PDE11A: variants seen among roughly 807,000 people sequenced by gnomAD.
PDE11A encodes the protein dual 3',5'-cyclic-AMP and -GMP phosphodiesterase 11A.
A neutral mutation model predicts 100.5 loss-of-function variants in PDE11A; 100 were observed. The observed-to-expected ratio is 1.00, with a 90% CI of 0.85 to 1.18. PDE11A has a LOEUF of 1.18. Ranked by LOEUF, PDE11A falls within the 50% of genes most tolerant of loss-of-function variation. The pLI, the probability that PDE11A is intolerant of heterozygous loss-of-function variation, is 0.00. For missense variants in PDE11A, 1,141 were observed against 1,152.6 expected, an observed-to-expected ratio of 0.99 and a Z score of 0.15; for synonymous variants, 381 against 420.8, an observed-to-expected ratio of 0.91 and a Z score of 1.16.
chr2:177,687,083 A>ATTTTT (rs1559143170), intron 15 of PDE11A: 1 of 152,162 alleles, frequency 6.6e-6, no homozygotes, highest in Non-Finnish European at 1.5e-5. Flanking sequence ...AGAGTTAATC[A>ATTTTT]TTTTCACAAG....
rs537484983 is a variant in PDE11A at position 177,822,047 on chromosome 2, C to T, written c.1501-1752G>A. 5.3e-5 allele frequency among the ~76,000 whole-genome samples: 8 copies of T among 151,886 alleles called. No individual in the cohort carries two copies. The East Asian group carries it at 1.5e-3, about 29-fold the overall frequency. On this transcript the variant is annotated intron_variant, in intron 6 of 19. Transcript: ENST00000286063. ...TTTTCTTATTCCATGGCTTGTTTTT[C>T]CACTCTTTTAATGGTGTCTTTTGAT...
At chr2:177,968,113 A>C (rs1462689846) in intron 2 of PDE11A, among the ~76,000 whole-genome samples, 2 of 152,172 alleles carry the variant, frequency 1.3e-5, no homozygotes, top group Non-Finnish European at 2.9e-5. Flanking sequence ...TTATCAGACG[A>C]GGTGCTAATT....
intron 1 of PDE11A, among the ~76,000 whole-genome samples, chr2:178,066,216 G>A (rs1482645015): frequency 6.6e-6 from 1 of 151,990 alleles, no homozygotes; most frequent in Non-Finnish European, 1.5e-5. Flanking sequence ...TAATTAGGAT[G>A]GTGCTGAGGC....
chr2:177,742,166 A>G (rs1289182755), intron 10 of PDE11A, among the ~76,000 whole-genome samples: 1 of 152,070 alleles, frequency 6.6e-6, no homozygotes, highest in Non-Finnish European at 1.5e-5. Context: ...TCTCCAGTCC[A>G]ATAATCTTGT....
intron 2 of PDE11A, among the ~76,000 whole-genome samples, chr2:178,104,010 A>G (rs1394862399): frequency 8.5e-5 from 13 of 152,186 alleles, no homozygotes; most frequent in Admixed American, 8.5e-4. Flanking sequence ...TACCACTAAA[A>G]TATGATTTTT....
chr2:177,757,813 C>G (rs2082111186), intron 10 of PDE11A, among the ~76,000 whole-genome samples: 1 of 152,098 alleles, frequency 6.6e-6, no homozygotes, highest in South Asian at 2.1e-4. Context: ...GAACTTAGAT[C>G]CCTTCTACCA....
At chr2:177,876,771 C>T (rs1330822165) in intron 4 of PDE11A, among the ~76,000 whole-genome samples, 1 of 148,338 alleles carries the variant, frequency 6.7e-6, no homozygotes, top group Non-Finnish European at 1.5e-5. Flanking sequence ...AGAGTGCTAG[C>T]TCTTTCAACA....
chr2:177,880,292 A>G (rs2084309113), intron 4 of PDE11A, among the ~76,000 whole-genome samples: 1 of 152,218 alleles, frequency 6.6e-6, no homozygotes, highest in Non-Finnish European at 1.5e-5. Flanking sequence ...TTTGGGACAC[A>G]TGGTATCAGT....
chr2:177,782,076 A>G (rs2082462411), intron 9 of PDE11A, among the ~76,000 whole-genome samples: 1 of 152,234 alleles, frequency 6.6e-6, no homozygotes, highest in Non-Finnish European at 1.5e-5. Flanking sequence ...GCTAAATACT[A>G]TTCATTAGCT....
chr2:177,887,896 G>A (rs1270511801), intron 4 of PDE11A, among the ~76,000 whole-genome samples: 1 of 152,112 alleles, frequency 6.6e-6, no homozygotes, highest in Non-Finnish European at 1.5e-5. Context: ...AAGCCAGCTG[G>A]TGATGGCCAA....
chr2:177,719,294 T>C (rs111781304), intron 12 of PDE11A, among the ~76,000 whole-genome samples: 24 of 152,336 alleles, frequency 1.6e-4, no homozygotes, highest in African/African-American at 5.5e-4. Flanking sequence ...ATGTAGCAGA[T>C]GGCAAACTAA....
chr2:177,930,347 T>C (rs920383553), intron 2 of PDE11A, among the ~76,000 whole-genome samples: 11 of 152,162 alleles, frequency 7.2e-5, no homozygotes, highest in African/African-American at 1.9e-4. Flanking sequence ...AGCTGTACAA[T>C]GGCTACCTTG....
Position 178,097,312 on chromosome 2 carries a change from G to A in PDE11A, c.162+6990C>T, listed in dbSNP as rs184024834. ...ACTAGGTAATTTATAAAGGAAAGAG[G>A]TTTAATTGACTCACAGTTCCACATG... On this transcript the variant is annotated intron_variant, in intron 2 of 20. Transcript: ENST00000358450. Among the ~76,000 whole-genome samples the A allele has an allele frequency of 3.5e-3, 531 of 152,296 alleles. 8 individuals carry two copies. Among genetic ancestry groups the A allele is most frequent in the African/African-American group, 0.012 (507 of 41,560 alleles).
At chr2:178,102,683 C>A (rs555122757) in intron 2 of PDE11A, among the ~76,000 whole-genome samples, 1 of 150,994 alleles carries the variant, frequency 6.6e-6, no homozygotes, top group African/African-American at 2.4e-5. Flanking sequence ...CTCAGCCTCC[C>A]AAAGTGTTGG....
chr2:177,753,776 T>TG (rs1027026966), intron 10 of PDE11A, among the ~76,000 whole-genome samples: 4 of 150,786 alleles, frequency 2.7e-5, no homozygotes, highest in South Asian at 4.2e-4. Flanking sequence ...CAGATAAGAT[T>TG]GGGGGGGCCA....
At chr2:177,650,117 C>T (rs1037873646) in intron 19 of PDE11A, among the ~76,000 whole-genome samples, 6 of 152,208 alleles carry the variant, frequency 3.9e-5, no homozygotes, top group Non-Finnish European at 8.8e-5. Flanking sequence ...TCCCACTCCC[C>T]CATCCATATC....
At chr2:177,899,398 C>T (rs1421941414) in intron 3 of PDE11A, 1 of 187,710 alleles carries the variant, frequency 5.3e-6, no homozygotes, top group Non-Finnish European at 1.2e-5. Context: ...CAGAGTGAGA[C>T]TCTTTCTAAA....
intron 2 of PDE11A, among the ~76,000 whole-genome samples, chr2:177,990,693 G>A (rs1030976900): frequency 4.0e-5 from 6 of 149,166 alleles, no homozygotes; most frequent in South Asian, 2.1e-4. Flanking sequence ...AGCTGAGATC[G>A]CACCATTGCA....
intron 18 of PDE11A, 107 bp from the exon 19 acceptor site, chr2:177,664,056 C>A (rs1174969764): frequency 2.8e-6 from 2 of 724,672 alleles, no homozygotes; most frequent in Non-Finnish European, 2.5e-6. Context: ...CAAACTGAAC[C>A]CTTCGCAAAT....
Sources: allele counts gnomAD v4.1 joint callset (sites outside exome capture counted in the v4.1 genomes callset), GRCh38; gene constraint gnomAD v4.1.1; transcripts MANE v1.5; gene names NCBI Gene and HGNC (gene_info 2026-07-23, HGNC 2026-07-21).